ZBTB4: variants seen among roughly 807,000 people sequenced by gnomAD.
ZBTB4 encodes the protein zinc finger and BTB domain-containing protein 4.
In ZBTB4, 14 loss-of-function variants were observed where a neutral mutation model predicts 59.8. The observed-to-expected ratio is 0.23, with a 90% confidence interval of 0.15 to 0.37. The LOEUF (loss-of-function observed/expected upper bound fraction) is 0.37. ZBTB4 is among the 10% of genes least tolerant of loss of function. ZBTB4 has a pLI of 1.00. For synonymous variants in ZBTB4, 587 were observed against 575.2 expected (o/e 1.02, Z -0.29); for missense variants, 1,198 against 1,380.8 (o/e 0.87, Z 2.10).
intron 1 of ZBTB4, among the ~76,000 whole-genome samples, chr17:7,467,728 T>C (rs1204803549): frequency 2.0e-5 from 3 of 152,248 alleles, no homozygotes; most frequent in Non-Finnish European, 4.4e-5. Context: ...GATTTGCATG[T>C]TGTCATTTAT....
At chr17:7,470,257 G>A (rs1226887998) in intron 1 of ZBTB4, among the ~76,000 whole-genome samples, 2 of 151,948 alleles carry the variant, frequency 1.3e-5, no homozygotes, top group Admixed American at 1.3e-4. Context: ...AATTAGCCAG[G>A]TGTGGTGGTG....
rs751156655 is a variant in ZBTB4, at chr17:7,465,986, G to A, written c.816C>T (p.Gly272=). Residue 272 remains glycine (G), a synonymous_variant, in exon 3 of 4, where the codon GGC becomes GGT. Transcript: ENST00000380599. The part of the protein sequence containing the change: ...TRGSTGLGAG[G]AGPGGPAGVD... ...CCCCTGCAGGACCACCAGGGCCAGC[G>A]CCCCCAGCTCCCAGCCCTGTAGACC... is the stretch of plus-strand genomic sequence containing the variant. 19 of 1,601,772 alleles carry A rather than the reference G, an allele frequency of 1.2e-5. No homozygotes were observed. Among genetic ancestry groups the A allele is most frequent in the East Asian group, 4.5e-5 (2 of 44,624 alleles).
upstream of ZBTB4, chr17:7,481,330 G>A (rs1160497333): frequency 1.3e-5 from 13 of 1,030,158 alleles, no homozygotes; most frequent in South Asian, 7.8e-5. Context: ...AAACTTCGTC[G>A]CAAACAAAAA....
At chr17:7,470,683 T>C (rs1378181768) in intron 1 of ZBTB4, among the ~76,000 whole-genome samples, 2 of 152,176 alleles carry the variant, frequency 1.3e-5, no homozygotes, top group African/African-American at 4.8e-5. Context: ...GCAACAAGAA[T>C]GAAACTTCGT....
At chr17:7,480,393 T>C (rs2070329005), upstream of ZBTB4, among the ~76,000 whole-genome samples, 1 of 152,098 alleles carries the variant, frequency 6.6e-6, no homozygotes, top group Non-Finnish European at 1.5e-5. Flanking sequence ...ACTAAGGAGA[T>C]GGAGGAGCCA....
chr17:7,480,081 C>A (rs567357623), upstream of ZBTB4, among the ~76,000 whole-genome samples: 11 of 152,218 alleles, frequency 7.2e-5, no homozygotes, highest in Middle Eastern at 3.4e-3. Flanking sequence ...CACACACACC[C>A]TCTCCAGGAA....
chr17:7,475,842 C>T (rs1362812335), intron 1 of ZBTB4, among the ~76,000 whole-genome samples: 1 of 152,158 alleles, frequency 6.6e-6, no homozygotes, highest in Non-Finnish European at 1.5e-5. Context: ...GAATCCAGGC[C>T]CAGCTGACCC....
intron 3 of ZBTB4, among the ~76,000 whole-genome samples, chr17:7,465,401 T>G (rs189411958): frequency 7.0e-6 from 1 of 142,436 alleles, no homozygotes; most frequent in Non-Finnish European, 1.5e-5. Context: ...GAGGCGGAGG[T>G]GGCAGTGAGC....
At position 7,475,371 on chromosome 17, in the gene ZBTB4, G is replaced by A. The variant is rs189070185; in HGVS notation, c.-81+4085C>T. Reference sequence around the variant, plus strand: ...AAAAATTAAAAGAAACCATAAATAAGTTGACCACTCTGGAGTCCTCACAAT... The same window carrying A: ...AAAAATTAAAAGAAACCATAAATAAATTGACCACTCTGGAGTCCTCACAAT... On this transcript the variant is annotated intron_variant, in intron 1 of 3. Transcript: ENST00000380599. 2.6e-5 allele frequency among the ~76,000 whole-genome samples: 4 copies of A among 152,096 alleles called. No individual in the cohort carries two copies. The South Asian group carries it at 8.3e-4, about 32-fold the overall frequency.
At chr17:7,465,111 A>T (rs181571230) in intron 3 of ZBTB4, among the ~76,000 whole-genome samples, 2 of 141,220 alleles carry the variant, frequency 1.4e-5, no homozygotes, top group Non-Finnish European at 3.0e-5. Context: ...AGCCGAGATC[A>T]CGCCACTGCA....
In ZBTB4 at chr17:7,463,165, A is replaced by G; in HGVS notation, c.1817T>C (p.Val606Ala). ...QAPPPLCQIT[V>A]RIGEEAIVKR... ...GACGATGGCCTCCTCCCCTATTCGC[A>G]CAGTGATCTGACACAGTGGAGGTGG... The change falls in exon 4 of 4, where the codon GTG (valine) becomes GCG (alanine). Residue 606 changes from valine (V) to alanine (A), a missense_variant. Val to Ala is a moderately conservative substitution (Grantham distance 64). This residue lies in a region of ZBTB4 where 550 missense variants were observed against 541.8 expected (regional missense o/e 1.02). Transcript: ENST00000380599. 1 of 1,607,472 alleles carries G rather than the reference A, an allele frequency of 6.2e-7. No individual in the cohort carries two copies. The highest frequency in any genetic ancestry group is 8.5e-7 in the Non-Finnish European group (1 of 1,178,836).
At chr17:7,482,772 C>T (rs541352076), upstream of ZBTB4, 1 of 1,611,498 alleles carries the variant, frequency 6.2e-7, no homozygotes, top group Non-Finnish European at 8.5e-7. Flanking sequence ...GGGATCCTCG[C>T]CTTGGTCTCC....
At chr17:7,470,590 G>A (rs1277193468) in intron 1 of ZBTB4, among the ~76,000 whole-genome samples, 1 of 152,150 alleles carries the variant, frequency 6.6e-6, no homozygotes, top group East Asian at 1.9e-4. Context: ...CAGCTACTCA[G>A]GAGGCTGAGG....
Position 7,467,306 on chromosome 17 carries a change from C to T in ZBTB4, c.-59G>A, listed in dbSNP as rs1009667378. 9.5e-6 allele frequency: 9 copies of T among 948,616 alleles called. No homozygotes were observed. The highest frequency in any genetic ancestry group is 1.1e-5 in the Non-Finnish European group (9 of 795,734). The allele number at this position is 948,616 out of a possible 1,614,324, so 58.8% of individuals were successfully genotyped here. On this transcript the variant is annotated 5_prime_UTR_variant, in exon 2 of 4. Coordinates refer to ENST00000380599, the MANE Select transcript of ZBTB4 (RefSeq NM_001128833.2). ...GGGGCGGGGGGTGGCTCAGCGAGTC[C>T]CTTCTGCTGGGCCTCTTCCTTCTGC...
intron 1 of ZBTB4, among the ~76,000 whole-genome samples, chr17:7,477,021 A>G (rs1031268807): frequency 2.0e-5 from 3 of 152,242 alleles, no homozygotes; most frequent in Non-Finnish European, 4.4e-5. Context: ...TCTGGACCTC[A>G]GCTGCCTCAC....
At position 7,461,643 on chromosome 17, in the gene ZBTB4, G is replaced by A. The variant is rs1296989388; in HGVS notation, c.*297C>T. On this transcript the variant is annotated 3_prime_UTR_variant, in exon 4 of 4. Transcript: ENST00000380599. The stretch of plus-strand genomic sequence containing the variant: ...GTGGGGGCTGTGAGTAGAGATTCAG[G>A]TTAAGTATATTGCTCAGTTGCCCCA... 3.2e-6 allele frequency: 1 copy of A among 310,838 alleles called. No individual in the cohort carries two copies. Among genetic ancestry groups the A allele is most frequent in the South Asian group, 9.3e-5 (1 of 10,778 alleles). 19.3% of individuals were successfully genotyped at this position (310,838 alleles called of 1,614,324 possible).
intron 3 of ZBTB4, among the ~76,000 whole-genome samples, chr17:7,464,167 C>T (rs543414586): frequency 1.2e-4 from 18 of 152,184 alleles, no homozygotes; most frequent in Admixed American, 8.5e-4. Context: ...AAACGACTTA[C>T]GAACAGGGAC....
rs997909175 is a variant in ZBTB4 at position 7,460,162 on chromosome 17, A to G, written c.*1778T>C. On this transcript the variant is annotated 3_prime_UTR_variant, in exon 4 of 4. Transcript: ENST00000380599. Reference sequence around the variant, plus strand: ...ATTTGAAACCTTTCCCCCCCTTAAAAATTGGAACTTGGTACATTCAGTAGG... The same window carrying G: ...ATTTGAAACCTTTCCCCCCCTTAAAGATTGGAACTTGGTACATTCAGTAGG... 2 of 152,546 alleles carry G rather than the reference A, an allele frequency of 1.3e-5. No homozygotes were observed. The highest frequency in any genetic ancestry group is 4.8e-5 in the African/African-American group (2 of 41,402). The allele number at this position is 152,546 out of a possible 1,614,324, so 9.4% of individuals were successfully genotyped here.
intron 3 of ZBTB4, among the ~76,000 whole-genome samples, chr17:7,465,024 CGG>C (rs1567685795): frequency 6.6e-6 from 1 of 150,814 alleles, no homozygotes; most frequent in East Asian, 2.0e-4. Context: ...GGCGTGATGG[CGG>C]GCGCCTGTAG....
Sources: gnomAD v4.1 joint callset for allele counts (sites outside exome capture counted in the v4.1 genomes callset) on GRCh38, gnomAD v4.1.1 for gene constraint, gnomAD v4.1.1 regional missense constraint, MANE v1.5 for transcripts, NCBI Gene and HGNC (gene_info 2026-07-23, HGNC 2026-07-21) for gene names.